Variants in BCAS3 observed in about 807,000 individuals in gnomAD.
BCAS3 encodes the protein BCAS3 microtubule associated cell migration factor.
BCAS3 carries 53 observed loss-of-function variants against 116.1 expected under a neutral mutation model. The ratio of observed to expected loss-of-function variants is 0.46; its 90% CI spans 0.37 to 0.57. BCAS3 has a LOEUF of 0.57. Ranked by LOEUF, BCAS3 falls within the 20% of genes least tolerant of loss-of-function variation. BCAS3 has a pLI of 0.00. For synonymous variants in BCAS3, 391 were observed against 408.2 expected, an observed-to-expected ratio of 0.96 and a Z score of 0.51; for missense variants, 917 against 1,165.4, an observed-to-expected ratio of 0.79 and a Z score of 3.10.
intron 6 of BCAS3, among the ~76,000 whole-genome samples, chr17:60,749,354 TG>T: frequency 6.6e-6 from 1 of 152,272 alleles, no homozygotes; most frequent in East Asian, 1.9e-4. Context: ...CTTTGTGGCT[TG>T]TTTTACTTTC....
chr17:60,765,518 C>T (rs2044002623), intron 6 of BCAS3, among the ~76,000 whole-genome samples: 1 of 152,084 alleles, frequency 6.6e-6, no homozygotes, highest in Non-Finnish European at 1.5e-5. Context: ...GAATATTGGC[C>T]CCCACTCTCT....
At chr17:60,776,008 T>C (rs1305894413) in intron 6 of BCAS3, among the ~76,000 whole-genome samples, 1 of 152,186 alleles carries the variant, frequency 6.6e-6, no homozygotes, top group Non-Finnish European at 1.5e-5. Context: ...ATGCAGTCTT[T>C]ATTGGATTGG....
chr17:60,852,370 A>T (rs1336686413), intron 7 of BCAS3, among the ~76,000 whole-genome samples: 4 of 152,136 alleles, frequency 2.6e-5, no homozygotes, highest in Non-Finnish European at 5.9e-5. Flanking sequence ...CTGTGCTGTG[A>T]AAGATTAAAA....
intron 7 of BCAS3, among the ~76,000 whole-genome samples, chr17:60,854,039 A>AT (rs1386923713): frequency 6.6e-6 from 1 of 151,948 alleles, no homozygotes; most frequent in African/African-American, 2.4e-5. Context: ...TCCTAATGCT[A>AT]TCCTTCCCCC....
At chr17:61,006,789 G>C (rs2064748007) in intron 15 of BCAS3, among the ~76,000 whole-genome samples, 2 of 152,070 alleles carry the variant, frequency 1.3e-5, no homozygotes, top group African/African-American at 4.8e-5. Context: ...AATAGGTTGA[G>C]GCTTAAGGTC....
At chr17:61,206,495 T>C (rs1422976353) in intron 22 of BCAS3, among the ~76,000 whole-genome samples, 2 of 152,126 alleles carry the variant, frequency 1.3e-5, no homozygotes, top group Non-Finnish European at 2.9e-5. Flanking sequence ...ACTGCATTTT[T>C]AGATTAGAAA....
chr17:60,897,289 A>G (rs903111387), intron 10 of BCAS3, among the ~76,000 whole-genome samples: 2 of 152,112 alleles, frequency 1.3e-5, no homozygotes, highest in African/African-American at 4.8e-5. Flanking sequence ...TAATGTGATG[A>G]GGTTTCCTTT....
chr17:61,341,146 A>G (rs917183742), intron 22 of BCAS3, among the ~76,000 whole-genome samples: 1 of 152,180 alleles, frequency 6.6e-6, no homozygotes, highest in African/African-American at 2.4e-5. Context: ...GAGTGTGCTG[A>G]GGGCATGGGG....
At chr17:60,701,073 G>A (rs749235999) in intron 4 of BCAS3, among the ~76,000 whole-genome samples, 4 of 151,642 alleles carry the variant, frequency 2.6e-5, no homozygotes, top group East Asian at 1.9e-4. Context: ...GCAAGACCCC[G>A]CCTCTACTAA....
intron 22 of BCAS3, among the ~76,000 whole-genome samples, chr17:61,173,357 G>A (rs1033367548): frequency 2.6e-5 from 4 of 151,310 alleles, no homozygotes; most frequent in African/African-American, 9.7e-5. Context: ...GCTGAGGCAT[G>A]AGAATCATTT....
intron 22 of BCAS3, among the ~76,000 whole-genome samples, chr17:61,175,231 A>AC (rs931655070): frequency 6.6e-6 from 1 of 152,044 alleles, no homozygotes; most frequent in African/African-American, 2.4e-5. Flanking sequence ...ACTTAGTGAG[A>AC]CCCCATCTCT....
In BCAS3 at chr17:61,339,721, G is replaced by A. The variant is rs1012888871; in HGVS notation, c.2426-28606G>A. Among the ~76,000 whole-genome samples the A allele has an allele frequency of 3.3e-5, 5 of 151,124 alleles. No individual in the cohort carries two copies. The highest frequency in any genetic ancestry group is 5.9e-5 in the Non-Finnish European group (4 of 67,916). ...GTGGCGGTTACAGTGAGCTGAGATCGCGCCACTGTACTCCAGTCGGGGCGA... is the reference window on the plus strand; with the variant it reads ...GTGGCGGTTACAGTGAGCTGAGATCACGCCACTGTACTCCAGTCGGGGCGA... On this transcript the variant is annotated intron_variant, in intron 22 of 23. Coordinates refer to ENST00000407086, the MANE Select transcript of BCAS3 (RefSeq NM_017679.5). This position sits in a 1 kb window ranked among gnomAD's most constrained non-coding sequence, Gnocchi z 4.4.
At chr17:60,759,630 CTT>C (rs35135127) in intron 6 of BCAS3, among the ~76,000 whole-genome samples, 1 of 25,294 alleles carries the variant, frequency 4.0e-5, no homozygotes, top group African/African-American at 4.6e-5. Flanking sequence ...ATAGTGACTT[CTT>C]TTTTTTTTTT....
intron 23 of BCAS3, among the ~76,000 whole-genome samples, chr17:61,382,496 A>T (rs1568985958): frequency 1.3e-5 from 2 of 151,670 alleles, no homozygotes; most frequent in Non-Finnish European, 2.9e-5. Context: ...TCCTGACCTC[A>T]GGTGATCCAC....
chr17:61,150,877 C>T (rs1005437629), intron 22 of BCAS3, among the ~76,000 whole-genome samples: 4 of 152,190 alleles, frequency 2.6e-5, no homozygotes, highest in Admixed American at 6.5e-5. Context: ...ACTTACTGAA[C>T]GTGACTATAA....
Position 60,962,856 on chromosome 17 carries a change from T to C in BCAS3, c.1221+15504T>C, listed in dbSNP as rs565258998. ...CTGTTTCTCCAAAGTTTTCTTTTAG[T>C]GGTTTCATAGTTTGAGGTCTTAGAT... is the stretch of plus-strand genomic sequence containing the variant. On this transcript the variant is annotated intron_variant, in intron 14 of 23. Coordinates refer to ENST00000407086, the MANE Select transcript of BCAS3 (RefSeq NM_017679.5). This position sits in a 1 kb window ranked among gnomAD's most constrained non-coding sequence, Gnocchi z 4.4. Among the ~76,000 whole-genome samples the C allele has an allele frequency of 4.3e-4, 66 of 152,316 alleles. No individual in the cohort carries two copies. In the South Asian group the frequency reaches 0.013, roughly 30 times the overall value.
At position 61,285,231 on chromosome 17, in the gene BCAS3, TTG is replaced by T. The variant is rs371178241; in HGVS notation, c.2426-83070_2426-83069del. 1.6e-3 allele frequency among the ~76,000 whole-genome samples: 218 copies of T among 139,036 alleles called. No homozygotes were observed. The highest frequency in any genetic ancestry group is 1.9e-3 in the Admixed American group (27 of 14,192). The allele number at this position is 139,036 out of a possible 152,430, so 91.2% of individuals were successfully genotyped here. ...GTTTTGCTTTTCCCCTCCTCCTAGG[TTG>T]TGTGTGTGTGTGTGTGTGTGTGTGT... On this transcript the variant is annotated intron_variant, in intron 22 of 23. Transcript: ENST00000407086. This position sits in a 1 kb window ranked among gnomAD's most constrained non-coding sequence, Gnocchi z 5.4.
rs143541906 is a variant in BCAS3, at chr17:61,344,916, T to TACACAC, written c.2426-23399_2426-23394dup. On this transcript the variant is annotated intron_variant, in intron 22 of 23. Coordinates refer to ENST00000407086, the MANE Select transcript of BCAS3 (RefSeq NM_017679.5). This position sits in a 1 kb window ranked among gnomAD's most constrained non-coding sequence, Gnocchi z 4.1. ...TATTTTATGATTCCTGGATCGGAAA[T>TACACAC]ACACACACACACACACATACACACA... Among the ~76,000 whole-genome samples, 1 of 149,966 alleles carries TACACAC rather than the reference T, an allele frequency of 6.7e-6. No individual in the cohort carries two copies. The highest frequency in any genetic ancestry group is 1.5e-5 in the Non-Finnish European group (1 of 67,408).
chr17:60,944,837 A>G (rs143278856), intron 13 of BCAS3, among the ~76,000 whole-genome samples: 196 of 152,190 alleles, frequency 1.3e-3, no homozygotes, highest in African/African-American at 4.4e-3. Flanking sequence ...CATTATAAAA[A>G]CTCTCAACAT....
Sources: allele counts gnomAD v4.1 joint callset (sites outside exome capture counted in the v4.1 genomes callset), GRCh38; gene constraint gnomAD v4.1.1; non-coding constraint Gnocchi (gnomAD v3.1); transcripts MANE v1.5; gene names NCBI Gene and HGNC (gene_info 2026-07-23, HGNC 2026-07-21).